Variants in TNIK observed in about 807,000 individuals in gnomAD.
TNIK encodes TRAF2 and NCK interacting kinase.
In TNIK, 49 loss-of-function variants were observed where a neutral mutation model predicts 191.3. The ratio of observed to expected loss-of-function variants is 0.26; its 90% CI spans 0.20 to 0.32. TNIK has a LOEUF of 0.32. Ranked by LOEUF, TNIK falls within the 10% of genes least tolerant of loss-of-function variation. The probability of loss-of-function intolerance (pLI) is 1.00; values close to 1 mark genes in which losing one functional copy is unlikely to be tolerated. For missense variants in TNIK, 1,155 were observed against 1,702.3 expected, an observed-to-expected ratio of 0.68 and a Z score of 5.66; for synonymous variants, 594 against 600.9, an observed-to-expected ratio of 0.99 and a Z score of 0.17.
chr3:171,280,555 T>C (rs1750308748), intron 2 of TNIK, among the ~76,000 whole-genome samples: 1 of 152,210 alleles, frequency 6.6e-6, no homozygotes. Flanking sequence ...GTTATTGTTA[T>C]TTACAGATGT....
intron 1 of TNIK, among the ~76,000 whole-genome samples, chr3:171,422,932 G>A (rs1724022842): frequency 6.6e-6 from 1 of 152,164 alleles, no homozygotes; most frequent in Admixed American, 6.5e-5. Context: ...GTGAAAATAT[G>A]TGATTCTAAT....
intron 2 of TNIK, among the ~76,000 whole-genome samples, chr3:171,307,846 A>G (rs1005822446): frequency 6.6e-6 from 1 of 152,096 alleles, no homozygotes; most frequent in Non-Finnish European, 1.5e-5. Context: ...AGACTTTTTC[A>G]TTCTCATTCT....
chr3:171,313,858 T>C (rs1342752045), intron 2 of TNIK, among the ~76,000 whole-genome samples: 2 of 152,106 alleles, frequency 1.3e-5, no homozygotes. Context: ...TGTGCCATGA[T>C]CTGAGTGCCT....
chr3:171,238,010 A>T (rs1271299795), intron 2 of TNIK, among the ~76,000 whole-genome samples: 1 of 152,204 alleles, frequency 6.6e-6, no homozygotes, highest in Non-Finnish European at 1.5e-5. Flanking sequence ...CATATTGGTT[A>T]ATAGCAGAAG....
chr3:171,331,891 C>T (rs537629439), intron 2 of TNIK, among the ~76,000 whole-genome samples: 32 of 152,014 alleles, frequency 2.1e-4, no homozygotes, highest in Admixed American at 3.3e-4. Context: ...GCTAGAAAAC[C>T]CCATTTTATA....
At chr3:171,348,979 A>C (rs1712704209) in intron 2 of TNIK, among the ~76,000 whole-genome samples, 1 of 152,004 alleles carries the variant, frequency 6.6e-6, no homozygotes, top group Non-Finnish European at 1.5e-5. Flanking sequence ...AAAATACTTT[A>C]ATGAAAAATA....
At chr3:171,211,497 A>G (rs188816701) in intron 3 of TNIK, among the ~76,000 whole-genome samples, 1 of 152,152 alleles carries the variant, frequency 6.6e-6, no homozygotes, top group Non-Finnish European at 1.5e-5. Flanking sequence ...ACAATCCCTC[A>G]TCTCTTCACC....
chr3:171,073,597 G>A (rs888528383), intron 28 of TNIK, among the ~76,000 whole-genome samples: 2 of 152,050 alleles, frequency 1.3e-5, no homozygotes, highest in East Asian at 3.8e-4. Context: ...CAACCTACAT[G>A]ATGGGAGAAA....
chr3:171,277,151 G>A (rs553647609), intron 2 of TNIK, among the ~76,000 whole-genome samples: 2 of 152,252 alleles, frequency 1.3e-5, no homozygotes, highest in South Asian at 2.1e-4. Context: ...CTCATCCCAC[G>A]TGGTGCCTTC....
chr3:171,313,080 G>A lies in TNIK; in HGVS notation c.123+56540C>T, dbSNP rs542012956. Among the ~76,000 whole-genome samples, 6 of 151,948 alleles carry A rather than the reference G, an allele frequency of 3.9e-5. No homozygotes were observed. The South Asian group carries it at 1.0e-3, about 26-fold the overall frequency. Reference sequence around the variant, plus strand: ...GTCACCGAGACAGTGTTTTGAAAACGAAGGAAGAATGCAAATGTGTAGAAA... The same window carrying A: ...GTCACCGAGACAGTGTTTTGAAAACAAAGGAAGAATGCAAATGTGTAGAAA... On this transcript the variant is annotated intron_variant, in intron 2 of 32. Transcript: ENST00000436636.
At chr3:171,397,039 A>C (rs1720343825) in intron 1 of TNIK, among the ~76,000 whole-genome samples, 1 of 152,210 alleles carries the variant, frequency 6.6e-6, no homozygotes, top group Non-Finnish European at 1.5e-5. Context: ...CCAGAAATAC[A>C]CTGGCATGAA....
rs1188890844 is a variant in TNIK at position 171,165,394 on chromosome 3, C to G, written c.949+1701G>C. ...CCCAGGAGTTTGAGACCAGCCTGAGCAACAAAGTTAGAACTCATCTCAAAA... is the reference window on the plus strand; with the variant it reads ...CCCAGGAGTTTGAGACCAGCCTGAGGAACAAAGTTAGAACTCATCTCAAAA... On this transcript the variant is annotated intron_variant, in intron 10 of 32. Transcript: ENST00000436636. 9.5e-5 allele frequency among the ~76,000 whole-genome samples: 11 copies of G among 115,550 alleles called. No homozygotes were observed. In the Admixed American group the frequency reaches 1.3e-3, roughly 14 times the overall value. The allele number at this position is 115,550 out of a possible 152,430, so 75.8% of individuals were successfully genotyped here.
intron 4 of TNIK, among the ~76,000 whole-genome samples, chr3:171,207,360 TTTAAA>T (rs1428431483): frequency 6.6e-6 from 1 of 151,860 alleles, no homozygotes; most frequent in African/African-American, 2.4e-5. Flanking sequence ...TTTCTTTTTT[TTTAAA>T]TTTTAATTTT....
At chr3:171,139,268 A>G (rs993139304) in intron 14 of TNIK, among the ~76,000 whole-genome samples, 1 of 152,220 alleles carries the variant, frequency 6.6e-6, no homozygotes, top group Non-Finnish European at 1.5e-5. Flanking sequence ...ATTAGGACTC[A>G]GCAAAATCAA....
chr3:171,323,865 C>T (rs1288691484), intron 2 of TNIK, among the ~76,000 whole-genome samples: 1 of 152,102 alleles, frequency 6.6e-6, no homozygotes, highest in Admixed American at 6.5e-5. Flanking sequence ...ATGGTATCTC[C>T]TTCCAGTTAA....
intron 2 of TNIK, among the ~76,000 whole-genome samples, chr3:171,230,445 T>C (rs554354203): frequency 6.6e-6 from 1 of 152,314 alleles, no homozygotes; most frequent in African/African-American, 2.4e-5. Flanking sequence ...ATTATTTTAA[T>C]GGTACCTGTA....
intron 12 of TNIK, among the ~76,000 whole-genome samples, chr3:171,151,123 T>C (rs1169117910): frequency 6.6e-6 from 1 of 152,254 alleles, no homozygotes; most frequent in Non-Finnish European, 1.5e-5. Context: ...TTACCAAATG[T>C]GCATGTAAGG....
chr3:171,068,123 A>T (rs1273729053), intron 30 of TNIK, among the ~76,000 whole-genome samples: 1 of 152,204 alleles, frequency 6.6e-6, no homozygotes, highest in Non-Finnish European at 1.5e-5. Context: ...CTAATAAGTG[A>T]ATCCATGTGC....
At chr3:171,178,033 A>G in intron 7 of TNIK, among the ~76,000 whole-genome samples, 1 of 152,240 alleles carries the variant, frequency 6.6e-6, no homozygotes, top group East Asian at 1.9e-4. Context: ...AGTACATATC[A>G]GTATCTCACT....
Sources: gnomAD v4.1 joint callset for allele counts (sites outside exome capture counted in the v4.1 genomes callset) on GRCh38, gnomAD v4.1.1 for gene constraint, MANE v1.5 for transcripts, NCBI Gene and HGNC (gene_info 2026-07-23, HGNC 2026-07-21) for gene names.